The following AKAP19 variants were observed in gnomAD, a reference collection of about 807,000 sequenced individuals.
AKAP19 encodes small A-kinase anchoring protein.
At chr2:190,164,568 TA>T in the AKAP19 span, among the ~76,000 whole-genome samples, 1 of 152,124 alleles carries the variant, frequency 6.6e-6, no homozygotes, top group Admixed American at 6.5e-5. Flanking sequence ...TAAAGGCAAA[TA>T]AAATTTATTT....
the AKAP19 span, among the ~76,000 whole-genome samples, chr2:190,115,307 T>A: frequency 0.043 from 607 of 14,188 alleles, no homozygotes; most frequent in South Asian, 0.058. Flanking sequence ...ATATATTTTT[T>A]TTTTTTTTTT....
At chr2:190,163,476 CT>C in the AKAP19 span, among the ~76,000 whole-genome samples, 2,060 of 151,234 alleles carry the variant, frequency 0.014, 26 homozygotes, top group Middle Eastern at 0.028. Flanking sequence ...AAAACTGAGT[CT>C]TGCCCTGTGA....
the AKAP19 span, among the ~76,000 whole-genome samples, chr2:190,043,285 G>A: frequency 1.3e-5 from 2 of 152,174 alleles, no homozygotes; most frequent in East Asian, 1.9e-4. Flanking sequence ...CCTGAAATAT[G>A]TTTTCCAAGT....
chr2:190,069,175 T>TGTGTGTGTGTGTGAGA, the AKAP19 span, among the ~76,000 whole-genome samples: 37 of 123,536 alleles, frequency 3.0e-4, no homozygotes, highest in African/African-American at 1.2e-3. Context: ...TGTGTGTGTG[T>TGTGTGTGTGTGTGAGA]GAGAGAGAGA....
chr2:189,932,117 A>G, the AKAP19 span, among the ~76,000 whole-genome samples: 2 of 152,146 alleles, frequency 1.3e-5, no homozygotes, highest in African/African-American at 4.8e-5. Context: ...GATCATCTTT[A>G]TCCATGTGAC....
the AKAP19 span, among the ~76,000 whole-genome samples, chr2:190,087,822 C>T: frequency 6.6e-6 from 1 of 152,328 alleles, no homozygotes; most frequent in East Asian, 1.9e-4. Context: ...CCTTTCTAGT[C>T]AGAATGGGAC....
chr2:189,980,230 A>G, the AKAP19 span, among the ~76,000 whole-genome samples: 1 of 152,242 alleles, frequency 6.6e-6, no homozygotes, highest in African/African-American at 2.4e-5. Flanking sequence ...CCACACAGCC[A>G]TAAAAAAGAA....
the AKAP19 span, among the ~76,000 whole-genome samples, chr2:190,141,953 A>G: frequency 8.5e-5 from 13 of 152,152 alleles, no homozygotes; most frequent in Non-Finnish European, 1.9e-4. Flanking sequence ...TGATTGGCGG[A>G]AGGAAAGGTG....
chr2:190,201,664 A>G, the AKAP19 span: 1 of 167,086 alleles, frequency 6.0e-6, no homozygotes, highest in Non-Finnish European at 1.5e-5. Context: ...TATTTGAAAT[A>G]TGCCATGTTT....
At chr2:189,989,759 G>A in the AKAP19 span, among the ~76,000 whole-genome samples, 1 of 152,070 alleles carries the variant, frequency 6.6e-6, no homozygotes, top group Non-Finnish European at 1.5e-5. Context: ...CCTCAAAAAA[G>A]TTCTGGAATC....
At chr2:190,057,152 A>G in the AKAP19 span, 4 of 1,203,558 alleles carry the variant, frequency 3.3e-6, no homozygotes, top group South Asian at 1.3e-5. Context: ...AAGTGACTGT[A>G]GCATACTCTA....
At chr2:190,067,809 C>T in the AKAP19 span, among the ~76,000 whole-genome samples, 1 of 152,110 alleles carries the variant, frequency 6.6e-6, no homozygotes, top group Admixed American at 6.5e-5. Context: ...CCCTCCTTCC[C>T]AAAATGGGAG....
the AKAP19 span, among the ~76,000 whole-genome samples, chr2:190,145,615 G>A: frequency 3.3e-5 from 5 of 151,974 alleles, no homozygotes; most frequent in African/African-American, 1.2e-4. Flanking sequence ...AATTGCCTGT[G>A]GTATTCAGTA....
chr2:190,189,097 C>T, the AKAP19 span, among the ~76,000 whole-genome samples: 1 of 152,088 alleles, frequency 6.6e-6, no homozygotes, highest in East Asian at 1.9e-4. Context: ...GTTTGGGAGA[C>T]TGGGAAGGTC....
the AKAP19 span, among the ~76,000 whole-genome samples, chr2:190,128,538 A>T: frequency 6.6e-6 from 1 of 152,234 alleles, no homozygotes; most frequent in African/African-American, 2.4e-5. Flanking sequence ...GCCAAAGATT[A>T]GTCATATGCC....
chr2:189,990,309 T>C, the AKAP19 span, among the ~76,000 whole-genome samples: 3 of 152,210 alleles, frequency 2.0e-5, no homozygotes, highest in East Asian at 1.9e-4. Context: ...TTATTTCTGA[T>C]CAATCCTTTG....
chr2:190,094,488 C>G, the AKAP19 span, among the ~76,000 whole-genome samples: 2 of 152,216 alleles, frequency 1.3e-5, no homozygotes, highest in Non-Finnish European at 2.9e-5. Context: ...AAATTCCTTA[C>G]TCTTTCCATG....
chr2:190,130,969 A>C, the AKAP19 span, among the ~76,000 whole-genome samples: 1 of 152,186 alleles, frequency 6.6e-6, no homozygotes, highest in African/African-American at 2.4e-5. Context: ...ATTTTGCTGT[A>C]AGGGGTCCAT....
chr2:190,063,015 C>T, the AKAP19 span, among the ~76,000 whole-genome samples: 2 of 152,046 alleles, frequency 1.3e-5, no homozygotes, highest in African/African-American at 4.8e-5. Context: ...CTTACTAATC[C>T]TCACACAACT....
Sources: allele counts gnomAD v4.1 joint callset (sites outside exome capture counted in the v4.1 genomes callset), GRCh38; gene constraint gnomAD v4.1.1; transcripts MANE v1.5; gene names NCBI Gene and HGNC (gene_info 2026-07-23, HGNC 2026-07-21).